MYH4: variants seen among roughly 807,000 people sequenced by gnomAD.
MYH4 encodes myosin-4.
In MYH4, 200 loss-of-function variants were observed where a neutral mutation model predicts 229.9. That is an observed-to-expected ratio of 0.87 (90% CI 0.78 to 0.98). MYH4 has a LOEUF of 0.98. Ranked by LOEUF, MYH4 falls within the 50% of genes least tolerant of loss-of-function variation. MYH4 has a pLI of 0.00. For missense variants in MYH4, 2,148 were observed against 2,332.6 expected, an observed-to-expected ratio of 0.92 and a Z score of 1.63; for synonymous variants, 761 against 834.6, an observed-to-expected ratio of 0.91 and a Z score of 1.52.
chr17:10,462,788 C>T (rs2072716373), intron 11 of MYH4, 77 bp downstream of exon 11: 1 of 1,227,078 alleles, frequency 8.1e-7, no homozygotes, highest in Admixed American at 2.3e-5. Context: ...TCTGCCACTG[C>T]TTTCCACCCT....
rs1385707345 is a variant in MYH4 at position 10,463,585 on chromosome 17, G to C, written c.707C>G (p.Ala236Gly). 1 of 1,613,798 alleles carries C rather than the reference G, an allele frequency of 6.2e-7. No individual in the cohort carries two copies. Among genetic ancestry groups the C allele is most frequent in the African/African-American group, 1.3e-5 (1 of 75,020 alleles). The change falls in exon 8 of 40, where the codon GCC (alanine) becomes GGC (glycine). Residue 236 changes from alanine (A) to glycine (G), a missense_variant. Coordinates refer to ENST00000255381, the MANE Select transcript of MYH4 (RefSeq NM_017533.2). ...ANPLLEAFGN[A>G]KTVRNDNSSR... is the part of the protein sequence containing the mutation. ...GGAGTTGTCATTCCTCACGGTCTTG[G>C]CATTGCCGAAGGCTTCCAGTAGGGG...
chr17:10,465,738 T>A, intron 4 of MYH4, 140 bp from the exon 5 acceptor site: 4 of 934,364 alleles, frequency 4.3e-6, no homozygotes, highest in Non-Finnish European at 6.3e-6. Context: ...CCTCCTTCCA[T>A]CATTGCTGCT....
chr17:10,455,958 C>G (rs2072634860), intron 17 of MYH4, 57 bp from the exon 18 acceptor site: 1 of 1,594,334 alleles, frequency 6.3e-7, no homozygotes. Context: ...ACATGAGAGT[C>G]CCTATCAATA....
rs920472414 is a variant in MYH4 at position 10,443,961 on chromosome 17, GT to G, written c.5668-435del. Among the ~76,000 whole-genome samples the G allele has an allele frequency of 2.0e-5, 3 of 151,576 alleles. No homozygotes were observed. The highest frequency in any genetic ancestry group is 7.3e-5 in the African/African-American group (3 of 41,274). On this transcript the variant is annotated intron_variant, in intron 39 of 39. Transcript: ENST00000255381. This position sits in a 1 kb window ranked among gnomAD's most constrained non-coding sequence, Gnocchi z 4.6. ...AAAGGCTTTATTATTTAGTAACATA[GT>G]TATTTGAGAGCAAGGCATCCCACAA...
chr17:10,444,496 A>G (rs1292223881), intron 39 of MYH4, 108 bp downstream of exon 39: 6 of 757,886 alleles, frequency 7.9e-6, no homozygotes, highest in Non-Finnish European at 1.3e-5. Flanking sequence ...TTCATACCTA[A>G]TTATGTATTC....
Position 10,455,002 on chromosome 17 carries a change from T to C in MYH4, c.2374A>G (p.Thr792Ala), listed in dbSNP as rs781602489. The C allele has an allele frequency of 2.5e-6, 4 of 1,614,170 alleles. No individual in the cohort carries two copies. In the South Asian group the frequency reaches 3.3e-5, roughly 13 times the overall value. Reference sequence around the variant, plus strand: ...AGGAACCCTCTGCATATGGCTTGAGTGCGCGTGATGAGTTGAGCTAGCTTT... The same window carrying C: ...AGGAACCCTCTGCATATGGCTTGAGCGCGCGTGATGAGTTGAGCTAGCTTT... ...DEKLAQLITR[T>A]QAICRGFLMR... The change falls in exon 21 of 40, where the codon ACT becomes GCT. Residue 792 changes from threonine to alanine, a missense_variant. Thr to Ala is a moderately conservative substitution (Grantham distance 58, BLOSUM62 0). Transcript: ENST00000255381.
At chr17:10,456,623 G>C (rs2072641865) in intron 16 of MYH4, 68 bp from the exon 17 acceptor site, 1 of 1,263,548 alleles carries the variant, frequency 7.9e-7, no homozygotes, top group African/African-American at 1.5e-5. Flanking sequence ...ATAAACATCA[G>C]GACTGCCAAA....
intron 11 of MYH4, 59 bp from the exon 12 acceptor site, chr17:10,461,113 A>T (rs2072697438): frequency 6.9e-6 from 11 of 1,588,952 alleles, no homozygotes; most frequent in Non-Finnish European, 8.6e-6. Flanking sequence ...ATCCCTCAGA[A>T]CACCGGGGCT....
chr17:10,452,598 G>T, intron 25 of MYH4, 92 bp from the exon 26 acceptor site: 2 of 1,318,012 alleles, frequency 1.5e-6, no homozygotes, highest in Admixed American at 2.0e-5. Flanking sequence ...TACTGCTGGT[G>T]TTGAAGGAGT....
At chr17:10,449,195 T>A in intron 30 of MYH4, 148 bp from the exon 31 acceptor site, 3 of 704,942 alleles carry the variant, frequency 4.3e-6, no homozygotes, top group Non-Finnish European at 6.9e-6. Context: ...CTCTTAGAAT[T>A]CTGTTTTCCC....
rs750995897 is a variant in MYH4, at chr17:10,448,798, A to C, written c.4366-15T>G. The C allele has an allele frequency of 1.2e-6, 2 of 1,613,012 alleles. No homozygotes were observed. The highest frequency in any genetic ancestry group is 1.7e-6 in the Non-Finnish European group (2 of 1,179,550). ...TCTGCCAGAACCTGGAAGTATATAG[A>C]AAATAAGCCTTTGAAACCAAGAATG... On this transcript the variant is annotated splice_polypyrimidine_tract_variant and intron_variant, in intron 31 of 39. Coordinates refer to ENST00000255381, the MANE Select transcript of MYH4 (RefSeq NM_017533.2).
chr17:10,447,918 ATCT>A lies in MYH4; in HGVS notation c.4862_4864del (p.Lys1621del), dbSNP rs1203519652. 2.5e-6 allele frequency: 4 copies of A among 1,613,764 alleles called. No homozygotes were observed. The highest frequency in any genetic ancestry group is 1.1e-5 in the South Asian group (1 of 91,076). On this transcript the variant is annotated inframe_deletion, in exon 34 of 40. Coordinates refer to ENST00000255381, the MANE Select transcript of MYH4 (RefSeq NM_017533.2). ...TTCCATTTCATTAAGATCTCCCTCC[ATCT>A]TCTTCTTGATCCTCAGAGCATCATT...
At position 10,452,301 on chromosome 17, in the gene MYH4, G is replaced by A. The variant is rs1344663124; in HGVS notation, c.3378C>T (p.Ile1126=). 6 of 1,614,012 alleles carry A rather than the reference G, an allele frequency of 3.7e-6. No individual in the cohort carries two copies. The highest frequency in any genetic ancestry group is 1.1e-5 in the South Asian group (1 of 91,082). ...TGGCCCGGGAGGCCCGCTCTGCCTC[G>A]ATTTCCTCCTCCAGCTCCTCAATGC... ...QARIEELEEE[I]EAERASRAKA... is the part of the protein sequence containing the mutation. Residue 1126 remains isoleucine, a synonymous_variant, in exon 27 of 40, where the codon ATC becomes ATT. Transcript: ENST00000255381.
In MYH4 at chr17:10,459,259, T is replaced by A; in HGVS notation, c.1579A>T (p.Ile527Phe). ...GMDLAACIEL[I>F]EKPMGIFSIL... ...AGAAAAGTCATATGAACCTTCTCGATGAGCTCGATGCAGGCAGCCAGGTCC... is the reference window on the plus strand; with the variant it reads ...AGAAAAGTCATATGAACCTTCTCGAAGAGCTCGATGCAGGCAGCCAGGTCC... The change falls in exon 15 of 40, where the codon ATC becomes TTC. Residue 527 changes from isoleucine (I) to phenylalanine (F), a missense_variant. Physicochemically the swap from Ile to Phe is conservative, Grantham distance 21. Coordinates refer to ENST00000255381, the MANE Select transcript of MYH4 (RefSeq NM_017533.2). The A allele has an allele frequency of 6.2e-7, 1 of 1,613,752 alleles. No homozygotes were observed. The highest frequency in any genetic ancestry group is 8.5e-7 in the Non-Finnish European group (1 of 1,179,702).
Position 10,448,038 on chromosome 17 carries a change from T to C in MYH4, c.4745A>G (p.Glu1582Gly). ...VKSEIDRKIA[E>G]KDEELDQLKR... is the part of the protein sequence containing the mutation. ...TAGCTGATCGAGTTCTTCATCTTTT[T>C]CAGCAATTTTTCGGTCAATCTCAGA... The change falls in exon 34 of 40, where the codon GAA becomes GGA. Residue 1582 changes from glutamate (E) to glycine (G), a missense_variant. Transcript: ENST00000255381. The C allele has an allele frequency of 6.2e-7, 1 of 1,614,094 alleles. No individual in the cohort carries two copies. Among genetic ancestry groups the C allele is most frequent in the Non-Finnish European group, 8.5e-7 (1 of 1,180,010 alleles).
intron 22 of MYH4, 99 bp downstream of exon 22, chr17:10,454,456 G>A (rs902196121): frequency 4.1e-5 from 61 of 1,482,974 alleles, no homozygotes; most frequent in Non-Finnish European, 4.9e-5. Flanking sequence ...TGGTGTTTTT[G>A]AACAGCAAAC....
In MYH4 at chr17:10,450,491, C is replaced by T. The variant is rs772756689; in HGVS notation, c.4143G>A (p.Thr1381=). The T allele has an allele frequency of 4.2e-5, 67 of 1,613,934 alleles. 1 individual carries two copies. The Middle Eastern group carries it at 4.9e-4, about 12-fold the overall frequency. The part of the protein sequence containing the change: ...EVAQWRTKYE[T]DAIQRTEELE... ...GCTCCTCTGTGCGCTGGATGGCGTC[C>T]GTCTCGTACTTGGTCCTCCACTGGG... The change falls in exon 30 of 40, where the codon ACG becomes ACA. Residue 1381 remains threonine (T), a synonymous_variant. Coordinates refer to ENST00000255381, the MANE Select transcript of MYH4 (RefSeq NM_017533.2).
rs746179757 is a variant in MYH4, at chr17:10,447,035, C to T, written c.5147G>A (p.Arg1716His). The change falls in exon 35 of 40, where the codon CGT becomes CAT. Residue 1716 changes from arginine (R) to histidine (H), a missense_variant. Transcript: ENST00000255381. ...AEQELLDASERVQLLHTQNTS... is the reference protein window; with the variant it reads ...AEQELLDASEHVQLLHTQNTS... ...CACCTGAGTGTGCAGAAGTTGCACA[C>T]GTTCACTGGCATCCAGAAGCTCTTG... 6.8e-6 allele frequency: 11 copies of T among 1,614,066 alleles called. No individual in the cohort carries two copies. The Admixed American group carries it at 8.3e-5, about 12-fold the overall frequency.
At chr17:10,455,942 G>T (rs768783109) in intron 17 of MYH4, 41 bp from the exon 18 acceptor site, 3 of 1,610,430 alleles carry the variant, frequency 1.9e-6, no homozygotes, top group Non-Finnish European at 1.7e-6. Flanking sequence ...ATTTCTAGTT[G>T]CATCGACATG....
Sources: allele counts gnomAD v4.1 joint callset (sites outside exome capture counted in the v4.1 genomes callset), GRCh38; gene constraint gnomAD v4.1.1; non-coding constraint Gnocchi (gnomAD v3.1); transcripts MANE v1.5; gene names NCBI Gene and HGNC (gene_info 2026-07-23, HGNC 2026-07-21).